KHDRBS2: variants seen among roughly 807,000 people sequenced by gnomAD.
KHDRBS2 encodes KH domain-containing, RNA-binding, signal transduction-associated protein 2.
In KHDRBS2, 26 loss-of-function variants were observed where a neutral mutation model predicts 44.3. The observed-to-expected ratio is 0.59, with a 90% CI of 0.43 to 0.81. The LOEUF is 0.81. Ranked by LOEUF, KHDRBS2 falls within the 40% of genes least tolerant of loss-of-function variation. The pLI is 0.00. For synonymous variants in KHDRBS2, 194 were observed against 151.1 expected, an observed-to-expected ratio of 1.28 and a Z score of -2.08; for missense variants, 476 against 433.1, an observed-to-expected ratio of 1.10 and a Z score of -0.88.
the KHDRBS2 span, among the ~76,000 whole-genome samples, chr6:61,672,629 C>A: frequency 6.6e-6 from 1 of 152,040 alleles, no homozygotes; most frequent in South Asian, 2.1e-4. Context: ...TGTCTTTTGG[C>A]TGCATAAATG....
chr6:62,013,726 T>C (rs1408109945), intron 3 of KHDRBS2, among the ~76,000 whole-genome samples: 1 of 152,206 alleles, frequency 6.6e-6, no homozygotes, highest in Non-Finnish European at 1.5e-5. Context: ...AGTAACTCAG[T>C]GAGGTTACTG....
chr6:61,878,061 G>C (rs1456171893), intron 6 of KHDRBS2, among the ~76,000 whole-genome samples: 1 of 151,780 alleles, frequency 6.6e-6, no homozygotes, highest in East Asian at 1.9e-4. Context: ...TCCAGAGCTT[G>C]GTCCAATTAA....
chr6:62,125,703 CA>C (rs1277738756), intron 2 of KHDRBS2, among the ~76,000 whole-genome samples: 2 of 152,128 alleles, frequency 1.3e-5, no homozygotes, highest in African/African-American at 2.4e-5. Flanking sequence ...TCATTCCAGG[CA>C]CCAGCTCTTG....
At chr6:61,737,745 T>A (rs187116150) in intron 6 of KHDRBS2, among the ~76,000 whole-genome samples, 156 of 152,092 alleles carry the variant, frequency 1.0e-3, no homozygotes, top group Non-Finnish European at 1.5e-3. Context: ...TGCATTCAAA[T>A]CCTGAATCCT....
chr6:62,095,721 C>A (rs1306848969), intron 2 of KHDRBS2, among the ~76,000 whole-genome samples: 1 of 151,752 alleles, frequency 6.6e-6, no homozygotes, highest in Non-Finnish European at 1.5e-5. Context: ...CTTTTTCTTG[C>A]CTGACTGCTC....
At chr6:61,890,742 A>G in intron 6 of KHDRBS2, among the ~76,000 whole-genome samples, 1 of 152,146 alleles carries the variant, frequency 6.6e-6, no homozygotes, top group Non-Finnish European at 1.5e-5. Flanking sequence ...TTCACATACT[A>G]TGTCTCTGGC....
intron 1 of KHDRBS2, among the ~76,000 whole-genome samples, chr6:62,181,520 C>T (rs1317491522): frequency 1.3e-5 from 2 of 151,754 alleles, no homozygotes; most frequent in African/African-American, 2.4e-5. Context: ...GTTAGGATGG[C>T]TATTATTGAA....
chr6:62,019,805 G>T (rs1268697381), intron 3 of KHDRBS2, among the ~76,000 whole-genome samples: 7 of 151,628 alleles, frequency 4.6e-5, no homozygotes, highest in East Asian at 1.9e-4. Context: ...TTGATATTGA[G>T]AATTTATTTT....
chr6:61,703,606 TTTA>T (rs1769026530), intron 7 of KHDRBS2, among the ~76,000 whole-genome samples: 2 of 151,940 alleles, frequency 1.3e-5, no homozygotes, highest in South Asian at 4.1e-4. Flanking sequence ...TGATAGTGCC[TTTA>T]TTTTTATATC....
At chr6:61,885,475 G>A (rs1583327092) in intron 6 of KHDRBS2, among the ~76,000 whole-genome samples, 1 of 152,070 alleles carries the variant, frequency 6.6e-6, no homozygotes, top group East Asian at 1.9e-4. Flanking sequence ...CCGTATCAGT[G>A]TTGTAGTTCA....
intron 1 of KHDRBS2, among the ~76,000 whole-genome samples, chr6:62,194,300 C>A (rs979052255): frequency 6.6e-6 from 1 of 151,658 alleles, no homozygotes. Flanking sequence ...AACAGCTGTC[C>A]TACCACCACT....
At chr6:62,069,386 T>G (rs143492890) in intron 2 of KHDRBS2, among the ~76,000 whole-genome samples, 1 of 151,880 alleles carries the variant, frequency 6.6e-6, no homozygotes, top group East Asian at 2.0e-4. Context: ...AGAAGACGCA[T>G]AGTCTGTGTG....
At chr6:61,557,290 G>A in the KHDRBS2 span, among the ~76,000 whole-genome samples, 1 of 152,084 alleles carries the variant, frequency 6.6e-6, no homozygotes, top group Non-Finnish European at 1.5e-5. Flanking sequence ...ATTAATCACA[G>A]TATAATAGCA....
chr6:62,223,815 C>A (rs1831303036), intron 1 of KHDRBS2, among the ~76,000 whole-genome samples: 1 of 152,158 alleles, frequency 6.6e-6, no homozygotes, highest in African/African-American at 2.4e-5. Context: ...CCAACAAATT[C>A]CTCATCTCCA....
intron 6 of KHDRBS2, among the ~76,000 whole-genome samples, chr6:61,865,932 G>A (rs1278826086): frequency 6.6e-6 from 1 of 152,218 alleles, no homozygotes; most frequent in African/African-American, 2.4e-5. Context: ...ACAGCCTTGA[G>A]CAGCTCCAAC....
chr6:62,285,496 C>T (rs1561920858), intron 1 of KHDRBS2, among the ~76,000 whole-genome samples: 2 of 152,188 alleles, frequency 1.3e-5, no homozygotes, highest in Non-Finnish European at 2.9e-5. Context: ...TCTTAGAACA[C>T]TACATTGATC....
intron 3 of KHDRBS2, among the ~76,000 whole-genome samples, chr6:62,047,291 A>G (rs1243570119): frequency 6.6e-6 from 1 of 152,012 alleles, no homozygotes; most frequent in Non-Finnish European, 1.5e-5. Flanking sequence ...AAAATAAGAA[A>G]TAATGTAGTA....
Position 61,954,812 on chromosome 6 carries a change from G to GTATATA in KHDRBS2, c.483+23253_483+23254insTATATA, listed in dbSNP as rs1765921137. ...CACATGCATATGTATGTATACATAC[G>GTATATA]CATGTGTATATACACATGCATATGT... On this transcript the variant is annotated intron_variant, in intron 4 of 8. Transcript: ENST00000281156. Among the ~76,000 whole-genome samples, 13 of 46,852 alleles carry GTATATA rather than the reference G, an allele frequency of 2.8e-4. 4 individuals are homozygous for GTATATA. The South Asian group carries it at 8.3e-3, about 30-fold the overall frequency. 30.7% of individuals were successfully genotyped at this position (46,852 alleles called of 152,430 possible).
chr6:62,270,890 C>T (rs746821391), intron 1 of KHDRBS2, among the ~76,000 whole-genome samples: 4 of 152,028 alleles, frequency 2.6e-5, no homozygotes, highest in Admixed American at 6.6e-5. Context: ...GAAATTGGCC[C>T]ACTGTCACAA....
Sources: allele counts gnomAD v4.1 joint callset (sites outside exome capture counted in the v4.1 genomes callset), GRCh38; gene constraint gnomAD v4.1.1; transcripts MANE v1.5; gene names NCBI Gene and HGNC (gene_info 2026-07-23, HGNC 2026-07-21).